Variants in FAM114A2 observed in about 807,000 individuals in gnomAD.
FAM114A2 encodes family with sequence similarity 114 member A2, also known as protein FAM114A2.
In FAM114A2, 53 loss-of-function variants were observed where a neutral mutation model predicts 58.4. The ratio of observed to expected loss-of-function variants is 0.91; its 90% CI spans 0.73 to 1.14. The LOEUF is 1.14. Among genes scored for constraint, FAM114A2 ranks in the 50% most tolerant of loss-of-function variants. The pLI, the probability that FAM114A2 is intolerant of heterozygous loss-of-function variation, is 0.00. For missense variants in FAM114A2, 601 were observed against 581.1 expected, an observed-to-expected ratio of 1.03 and a Z score of -0.35; for synonymous variants, 228 against 211.4, an observed-to-expected ratio of 1.08 and a Z score of -0.68.
At chr5:154,034,649 C>T in intron 2 of FAM114A2, 95 bp downstream of exon 2, 1 of 884,938 alleles carries the variant, frequency 1.1e-6, no homozygotes, top group Non-Finnish European at 1.8e-6. Flanking sequence ...AAGAGCAATT[C>T]TAAATTGGTA....
rs531570596 is a variant in FAM114A2, at chr5:153,997,674, G to A, written c.1329+129C>T. ...AAAATTAGACTATGGAAATGGCCGC[G>A]CAACTCTGTAAATATACTAAAAACT... On this transcript the variant is annotated intron_variant, in intron 12 of 13. Coordinates refer to ENST00000351797, the MANE Select transcript of FAM114A2 (RefSeq NM_018691.4). 61 of 624,158 alleles carry A rather than the reference G, an allele frequency of 9.8e-5. 1 individual carries two copies. In the South Asian group the frequency reaches 1.1e-3, roughly 11 times the overall value. 38.7% of individuals were successfully genotyped at this position (624,158 alleles called of 1,614,324 possible).
chr5:153,996,842 C>T (rs1561539230), intron 12 of FAM114A2, among the ~76,000 whole-genome samples: 1 of 151,440 alleles, frequency 6.6e-6, no homozygotes. Context: ...ACTAAAAATA[C>T]AAAAATTGGC....
At position 153,990,665 on chromosome 5, in the gene FAM114A2, T is replaced by C. The variant is rs184746443; in HGVS notation, c.*2311A>G. On this transcript the variant is annotated 3_prime_UTR_variant, in exon 14 of 14. Coordinates refer to ENST00000351797, the MANE Select transcript of FAM114A2 (RefSeq NM_018691.4). ...CTCTTAATCACAGCCTTTTAAAATC[T>C]CAATAGTAGGAAAAGACACATTTAC... The C allele has an allele frequency of 1.6e-4, 25 of 152,258 alleles. No homozygotes were observed. The highest frequency in any genetic ancestry group is 2.9e-4 in the Non-Finnish European group (20 of 68,010). 9.4% of individuals were successfully genotyped at this position (152,258 alleles called of 1,614,324 possible). A position where few individuals can be genotyped will look rare whatever the true frequency, so the allele number is the denominator to read the frequency against.
intron 3 of FAM114A2, 35 bp downstream of exon 3, chr5:154,034,243 A>G (rs1772384040): frequency 1.6e-6 from 2 of 1,267,976 alleles, no homozygotes; most frequent in African/African-American, 1.5e-5. Context: ...AAATAAATAC[A>G]CACACAAAAA....
rs542688523 is a variant in FAM114A2 at position 154,017,233 on chromosome 5, G to A, written c.914-5913C>T. Among the ~76,000 whole-genome samples the A allele has an allele frequency of 9.9e-5, 15 of 152,188 alleles. No individual in the cohort carries two copies. The East Asian group carries it at 2.3e-3, about 24-fold the overall frequency. On this transcript the variant is annotated intron_variant, in intron 8 of 13. Coordinates refer to ENST00000351797, the MANE Select transcript of FAM114A2 (RefSeq NM_018691.4). The stretch of plus-strand genomic sequence containing the variant: ...CGAGGCAGGTGTATCACCTGAGGTC[G>A]GGAGTTCAAGACCAGCCTGACAAAC...
intron 8 of FAM114A2, among the ~76,000 whole-genome samples, chr5:154,011,693 T>C (rs564026056): frequency 2.0e-5 from 3 of 152,172 alleles, no homozygotes; most frequent in East Asian, 3.9e-4. Flanking sequence ...AGCAAGAATA[T>C]AGAAATGGTG....
At chr5:154,034,687 CA>C in intron 2 of FAM114A2, 56 bp downstream of exon 2, 1 of 1,296,016 alleles carries the variant, frequency 7.7e-7, no homozygotes, top group Non-Finnish European at 1.1e-6. Context: ...TTAGCCCCAA[CA>C]TTTTTTAATC....
chr5:154,027,365 C>T (rs776535840), intron 6 of FAM114A2, 31 bp from the exon 7 acceptor site: 1 of 1,587,246 alleles, frequency 6.3e-7, no homozygotes, highest in Non-Finnish European at 8.6e-7. Context: ...TACACTGTAG[C>T]AAACAATGAG....
In FAM114A2 at chr5:154,011,246, C is replaced by T. The variant is rs766762894; in HGVS notation, c.988G>A (p.Ala330Thr). The change falls in exon 9 of 14, where the codon GCC becomes ACC. Residue 330 changes from alanine (A) to threonine (T), a missense_variant. Ala to Thr is a moderately conservative substitution (Grantham distance 58). Coordinates refer to ENST00000351797, the MANE Select transcript of FAM114A2 (RefSeq NM_018691.4). ...ACCAAGAAGCAATAACTTACCCTGG[C>T]AAGTTTCTCTGGTTTGGAGGAAACG... ...LHVSSKPEKL[A>T]RARNTAHEWI... 1.2e-6 allele frequency: 2 copies of T among 1,604,578 alleles called. No homozygotes were observed. Among genetic ancestry groups the T allele is most frequent in the East Asian group, 2.2e-5 (1 of 44,708 alleles).
intron 10 of FAM114A2, 97 bp downstream of exon 10, chr5:154,002,750 T>C: frequency 8.3e-7 from 1 of 1,207,190 alleles, no homozygotes; most frequent in Non-Finnish European, 1.2e-6. Context: ...AGGTTGAAAT[T>C]ACGGACAGCA....
intron 6 of FAM114A2, chr5:154,027,562 A>G: frequency 5.4e-6 from 2 of 368,778 alleles, no homozygotes; most frequent in Non-Finnish European, 9.7e-6. Flanking sequence ...GTGCAGTGGC[A>G]CGATCTCTGC....
chr5:154,035,176 A>C (rs1772469300), intron 1 of FAM114A2, among the ~76,000 whole-genome samples: 1 of 152,174 alleles, frequency 6.6e-6, no homozygotes, highest in Admixed American at 6.5e-5. Context: ...AATGCAATCC[A>C]CTGATCTCAT....
chr5:153,998,806 A>G (rs576413579), intron 11 of FAM114A2, among the ~76,000 whole-genome samples: 1 of 152,348 alleles, frequency 6.6e-6, no homozygotes, highest in Admixed American at 6.5e-5. Flanking sequence ...ATTCTGTTAC[A>G]GTAACATTAA....
At chr5:154,010,175 A>T (rs986900150) in intron 9 of FAM114A2, among the ~76,000 whole-genome samples, 1 of 152,230 alleles carries the variant, frequency 6.6e-6, no homozygotes, top group Admixed American at 6.5e-5. Flanking sequence ...ATTTACACAG[A>T]GAAAGAACAC....
intron 13 of FAM114A2, 73 bp from the exon 14 acceptor site, chr5:153,993,183 G>A (rs6866471): frequency 0.65 from 818,590 of 1,260,110 alleles, 268,229 homozygotes; most frequent in East Asian, 0.87. Context: ...TAAGGCAACA[G>A]GGGAACAGAT....
At chr5:154,008,754 C>T (rs1186997225) in intron 9 of FAM114A2, among the ~76,000 whole-genome samples, 1 of 152,084 alleles carries the variant, frequency 6.6e-6, no homozygotes, top group Admixed American at 6.6e-5. Flanking sequence ...TGAAACACTT[C>T]CCTGTTCCAA....
intron 8 of FAM114A2, among the ~76,000 whole-genome samples, chr5:154,017,382 C>T (rs897977860): frequency 2.0e-4 from 31 of 152,112 alleles, no homozygotes; most frequent in Admixed American, 6.5e-4. Context: ...GCAGAGGTTG[C>T]GGTGAGCCGA....
At position 154,027,340 on chromosome 5, in the gene FAM114A2, A is replaced by G; in HGVS notation, c.631-6T>C. 6.2e-7 allele frequency: 1 copy of G among 1,608,182 alleles called. No individual in the cohort carries two copies. The highest frequency in any genetic ancestry group is 8.5e-7 in the Non-Finnish European group (1 of 1,177,810). ...TCCTTCGCCTCTCGTAAAACCTAAAAAGAGATGGAGGCATTACACTGTAGC... is the reference window on the plus strand; with the variant it reads ...TCCTTCGCCTCTCGTAAAACCTAAAGAGAGATGGAGGCATTACACTGTAGC... On this transcript the variant is annotated splice_region_variant and splice_polypyrimidine_tract_variant and intron_variant, in intron 6 of 13. Transcript: ENST00000351797.
chr5:154,017,676 A>C (rs1428363937), intron 8 of FAM114A2, among the ~76,000 whole-genome samples: 10 of 152,222 alleles, frequency 6.6e-5, no homozygotes, highest in Admixed American at 6.5e-4. Flanking sequence ...TCTCCAAGAC[A>C]GACCATATGA....
Sources: gnomAD v4.1 joint callset for allele counts (sites outside exome capture counted in the v4.1 genomes callset) on GRCh38, gnomAD v4.1.1 for gene constraint, MANE v1.5 for transcripts, NCBI Gene and HGNC (gene_info 2026-07-23, HGNC 2026-07-21) for gene names.